Variants in HS6ST3 observed in about 807,000 individuals in gnomAD.
HS6ST3 encodes heparan-sulfate 6-O-sulfotransferase 3.
In HS6ST3, 12 loss-of-function variants were observed where a neutral mutation model predicts 36.7. That is an observed-to-expected ratio of 0.33 (90% CI 0.21 to 0.53). The LOEUF (loss-of-function observed/expected upper bound fraction) is 0.53. HS6ST3 is among the 20% of genes least tolerant of loss of function. The pLI is 0.95. For synonymous variants in HS6ST3, 240 were observed against 257.5 expected (o/e 0.93, Z 0.65); for missense variants, 584 against 640.9 (o/e 0.91, Z 0.96).
intron 1 of HS6ST3, among the ~76,000 whole-genome samples, chr13:96,244,409 T>A (rs1342748273): frequency 6.6e-6 from 1 of 152,170 alleles, no homozygotes; most frequent in Non-Finnish European, 1.5e-5. Flanking sequence ...CCAGAGTTCT[T>A]TTGCATGAAA....
intron 1 of HS6ST3, among the ~76,000 whole-genome samples, chr13:96,829,816 T>C (rs1185667985): frequency 6.6e-6 from 1 of 152,212 alleles, no homozygotes; most frequent in East Asian, 1.9e-4. Context: ...TACATGTGCA[T>C]GTGTCTATAT....
intron 1 of HS6ST3, among the ~76,000 whole-genome samples, chr13:96,490,019 C>T (rs1273886060): frequency 6.6e-6 from 1 of 152,080 alleles, no homozygotes; most frequent in Admixed American, 6.6e-5. Context: ...AGCTCTGAAC[C>T]TTCCTTTGCA....
chr13:96,216,651 C>T (rs114514564), intron 1 of HS6ST3, among the ~76,000 whole-genome samples: 19 of 152,120 alleles, frequency 1.2e-4, no homozygotes, highest in East Asian at 5.8e-4. Flanking sequence ...TGGGCAGGGA[C>T]GAGTGAAGTG....
intron 1 of HS6ST3, among the ~76,000 whole-genome samples, chr13:96,264,978 A>G (rs986070235): frequency 2.6e-5 from 4 of 152,140 alleles, no homozygotes; most frequent in African/African-American, 9.7e-5. Context: ...CAACCCAAAG[A>G]CATTATATAA....
chr13:96,299,172 A>G (rs2054869661), intron 1 of HS6ST3, among the ~76,000 whole-genome samples: 1 of 152,184 alleles, frequency 6.6e-6, no homozygotes, highest in Non-Finnish European at 1.5e-5. Flanking sequence ...CTGCTTGCGT[A>G]GAATTCGCAA....
chr13:96,388,932 T>C (rs1472606040), intron 1 of HS6ST3, among the ~76,000 whole-genome samples: 5 of 152,176 alleles, frequency 3.3e-5, no homozygotes, highest in African/African-American at 9.7e-5. Flanking sequence ...TCCTTTAAGT[T>C]ACCCAGTCTC....
chr13:96,177,947 A>T (rs2139338198), intron 1 of HS6ST3, among the ~76,000 whole-genome samples: 1 of 152,290 alleles, frequency 6.6e-6, no homozygotes, highest in Admixed American at 6.5e-5. Context: ...AGGACAATTC[A>T]ACACTGAGTG....
At chr13:96,498,782 C>G (rs1161502078) in intron 1 of HS6ST3, among the ~76,000 whole-genome samples, 2 of 152,120 alleles carry the variant, frequency 1.3e-5, no homozygotes, top group African/African-American at 4.8e-5. Flanking sequence ...CCTTCTTGTT[C>G]AGCCAGTGTC....
intron 1 of HS6ST3, among the ~76,000 whole-genome samples, chr13:96,181,474 G>C (rs1036006476): frequency 6.6e-6 from 1 of 152,182 alleles, no homozygotes; most frequent in Non-Finnish European, 1.5e-5. Context: ...GGAAAGGAGA[G>C]GTTTTTTCTG....
chr13:96,527,295 C>T (rs1407648378), intron 1 of HS6ST3, among the ~76,000 whole-genome samples: 1 of 152,002 alleles, frequency 6.6e-6, no homozygotes, highest in Non-Finnish European at 1.5e-5. Flanking sequence ...GAAAACTCTC[C>T]TTTATTCATT....
At chr13:96,303,005 A>G (rs573214119) in intron 1 of HS6ST3, among the ~76,000 whole-genome samples, 2 of 152,174 alleles carry the variant, frequency 1.3e-5, no homozygotes, top group African/African-American at 2.4e-5. Context: ...TTCATGCTAC[A>G]GTGTTAAGGT....
intron 1 of HS6ST3, among the ~76,000 whole-genome samples, chr13:96,471,137 G>A (rs934029447): frequency 5.3e-5 from 8 of 152,142 alleles, no homozygotes; most frequent in Non-Finnish European, 1.2e-4. Context: ...TTATGACTTA[G>A]AGTTACACCT....
chr13:96,822,993 T>G (rs1234696013), intron 1 of HS6ST3, among the ~76,000 whole-genome samples: 1 of 152,220 alleles, frequency 6.6e-6, no homozygotes, highest in African/African-American at 2.4e-5. Flanking sequence ...TCACAAGCTC[T>G]AACCAGACTG....
At chr13:96,345,327 T>C (rs1338772428) in intron 1 of HS6ST3, among the ~76,000 whole-genome samples, 1 of 152,186 alleles carries the variant, frequency 6.6e-6, no homozygotes, top group African/African-American at 2.4e-5. Context: ...CAGGGCTTTG[T>C]TATTATCAGG....
intron 1 of HS6ST3, among the ~76,000 whole-genome samples, chr13:96,186,034 CTATATA>C (rs1182816144): frequency 6.6e-6 from 1 of 152,028 alleles, no homozygotes; most frequent in African/African-American, 2.4e-5. Flanking sequence ...TGGATATAAA[CTATATA>C]TATGCATGCA....
At chr13:96,570,858 CT>C (rs1167101056) in intron 1 of HS6ST3, among the ~76,000 whole-genome samples, 1 of 152,114 alleles carries the variant, frequency 6.6e-6, no homozygotes, top group Non-Finnish European at 1.5e-5. Context: ...GACCAAAGTA[CT>C]ATTGAATATA....
In HS6ST3 at chr13:96,674,488, C is replaced by G. The variant is rs978786750; in HGVS notation, c.708-158002C>G. Among the ~76,000 whole-genome samples, 6 of 152,144 alleles carry G rather than the reference C, an allele frequency of 3.9e-5. 1 individual carries two copies. The highest frequency in any genetic ancestry group is 6.6e-5 in the Admixed American group (1 of 15,264). On this transcript the variant is annotated intron_variant, in intron 1 of 1. Coordinates refer to ENST00000376705, the MANE Select transcript of HS6ST3 (RefSeq NM_153456.4). Reference sequence around the variant, plus strand: ...CTCAGAGAGGATTTAATCCCCCGGGCTTCTCCTGGGGGTGTGAGCCAGGCT... The same window carrying G: ...CTCAGAGAGGATTTAATCCCCCGGGGTTCTCCTGGGGGTGTGAGCCAGGCT...
chr13:96,771,527 G>A (rs186001034), intron 1 of HS6ST3, among the ~76,000 whole-genome samples: 28 of 152,274 alleles, frequency 1.8e-4, no homozygotes, highest in East Asian at 5.8e-4. Flanking sequence ...TAAGCCGACC[G>A]AAAATGGCTG....
intron 1 of HS6ST3, among the ~76,000 whole-genome samples, chr13:96,584,298 C>T (rs1324269646): frequency 6.6e-6 from 1 of 152,096 alleles, no homozygotes; most frequent in East Asian, 1.9e-4. Flanking sequence ...CATGTGCCAC[C>T]ACCCCCAGCT....
Sources: allele counts gnomAD v4.1 joint callset (sites outside exome capture counted in the v4.1 genomes callset), GRCh38; gene constraint gnomAD v4.1.1; transcripts MANE v1.5; gene names NCBI Gene and HGNC (gene_info 2026-07-23, HGNC 2026-07-21).